PRKCB: variants seen among roughly 807,000 people sequenced by gnomAD.
The protein encoded by PRKCB is protein kinase C beta type.
A neutral mutation model predicts 81.5 loss-of-function variants in PRKCB; 13 were observed. The observed-to-expected ratio is 0.16, with a 90% CI of 0.10 to 0.25. PRKCB has a LOEUF of 0.25. PRKCB is among the 10% of genes least tolerant of loss of function. PRKCB has a pLI of 1.00. For missense variants in PRKCB, 509 were observed against 875.7 expected, an observed-to-expected ratio of 0.58 and a Z score of 5.29; for synonymous variants, 335 against 321.4, an observed-to-expected ratio of 1.04 and a Z score of -0.45.
At chr16:24,101,538 CAAAGT>C (rs1168505581) in intron 7 of PRKCB, among the ~76,000 whole-genome samples, 3 of 152,194 alleles carry the variant, frequency 2.0e-5, no homozygotes, top group Non-Finnish European at 4.4e-5. Context: ...GACCCTGTCT[CAAAGT>C]AAATAAAGAA....
intron 2 of PRKCB, among the ~76,000 whole-genome samples, chr16:23,838,264 A>C (rs754248617): frequency 6.6e-5 from 10 of 152,122 alleles, no homozygotes; most frequent in Non-Finnish European, 4.4e-5. Flanking sequence ...TCCAACTTTA[A>C]CTTTGCTGAG....
chr16:24,045,524 C>T (rs1965753184), intron 5 of PRKCB, among the ~76,000 whole-genome samples: 1 of 152,194 alleles, frequency 6.6e-6, no homozygotes, highest in Admixed American at 6.5e-5. Flanking sequence ...CAGGCCCACC[C>T]CACCTCCAAG....
chr16:23,964,672 AG>A (rs1964465152), intron 2 of PRKCB, among the ~76,000 whole-genome samples: 1 of 144,952 alleles, frequency 6.9e-6, no homozygotes, highest in Non-Finnish European at 1.5e-5. Context: ...ACACCTCATG[AG>A]GTTTTTTTTT....
Position 24,112,825 on chromosome 16 carries a change from C to G in PRKCB, c.822-148C>G, listed in dbSNP as rs1051818746. ...ATGCACACTACCCCCACCCAACATA[C>G]TGAAAAACAAACCAAAACAAACCAA... On this transcript the variant is annotated intron_variant, in intron 7 of 16. Transcript: ENST00000643927. 4.1e-5 allele frequency: 23 copies of G among 557,508 alleles called. No homozygotes were observed. In the African/African-American group the frequency reaches 4.3e-4, roughly 11 times the overall value. The allele number at this position is 557,508 out of a possible 1,614,324, so 34.5% of individuals were successfully genotyped here. A position where few individuals can be genotyped will look rare whatever the true frequency, so the allele number is the denominator to read the frequency against.
At chr16:23,864,282 AC>A (rs1205867586) in intron 2 of PRKCB, among the ~76,000 whole-genome samples, 1 of 152,116 alleles carries the variant, frequency 6.6e-6, no homozygotes, top group Non-Finnish European at 1.5e-5. Flanking sequence ...AAGTATCCTC[AC>A]CTTCGAGATT....
intron 3 of PRKCB, among the ~76,000 whole-genome samples, chr16:23,994,617 T>A (rs1024604081): frequency 2.6e-5 from 4 of 152,236 alleles, no homozygotes; most frequent in Non-Finnish European, 5.9e-5. Flanking sequence ...GACAGATGAA[T>A]CTAGAAGAAT....
intron 16 of PRKCB, among the ~76,000 whole-genome samples, chr16:24,196,280 A>C (rs549897827): frequency 6.6e-6 from 1 of 152,362 alleles, no homozygotes; most frequent in Non-Finnish European, 1.5e-5. Flanking sequence ...GCTGTGGAAC[A>C]TAAAGGAGTC....
chr16:24,079,849 G>A (rs189045780), intron 5 of PRKCB, among the ~76,000 whole-genome samples: 2 of 152,320 alleles, frequency 1.3e-5, no homozygotes, highest in East Asian at 3.9e-4. Flanking sequence ...TTACCCGTAA[G>A]CATAATGAAG....
chr16:24,206,045 A>C (rs935698762), intron 16 of PRKCB, among the ~76,000 whole-genome samples: 1 of 152,186 alleles, frequency 6.6e-6, no homozygotes, highest in African/African-American at 2.4e-5. Context: ...GAGCAAAACA[A>C]AACAGACTTA....
intron 2 of PRKCB, among the ~76,000 whole-genome samples, chr16:23,932,310 G>A (rs1963989603): frequency 6.6e-6 from 1 of 152,202 alleles, no homozygotes; most frequent in Non-Finnish European, 1.5e-5. Flanking sequence ...TTTACTGGGT[G>A]GGATAATGGA....
intron 15 of PRKCB, among the ~76,000 whole-genome samples, chr16:24,190,711 G>T (rs532094821): frequency 3.9e-5 from 6 of 152,042 alleles, no homozygotes; most frequent in African/African-American, 9.6e-5. Context: ...TAGAGACAGG[G>T]TTTCACCATG....
intron 5 of PRKCB, among the ~76,000 whole-genome samples, chr16:24,058,675 G>A (rs1342494303): frequency 2.6e-5 from 4 of 152,218 alleles, no homozygotes; most frequent in Admixed American, 2.6e-4. Flanking sequence ...ATGTTACCAT[G>A]AAGGTGCCTA....
intron 10 of PRKCB, among the ~76,000 whole-genome samples, chr16:24,165,223 T>C (rs1967324285): frequency 1.3e-5 from 2 of 152,154 alleles, no homozygotes; most frequent in South Asian, 4.1e-4. Flanking sequence ...TTATTTTTTG[T>C]AGAGCCAGGG....
At chr16:24,146,027 T>G (rs1966983483) in intron 9 of PRKCB, among the ~76,000 whole-genome samples, 1 of 152,156 alleles carries the variant, frequency 6.6e-6, no homozygotes, top group South Asian at 2.1e-4. Context: ...AGAGGGATAT[T>G]TGGATACCGA....
At chr16:24,020,969 CTTTTCT>C (rs146728476) in intron 3 of PRKCB, among the ~76,000 whole-genome samples, 9,597 of 122,928 alleles carry the variant, frequency 0.078, 651 homozygotes, top group Admixed American at 0.12. Context: ...CTGAGAGAGA[CTTTTCT>C]TTTTCTTTCT....
intron 10 of PRKCB, among the ~76,000 whole-genome samples, chr16:24,158,557 T>A (rs1322945349): frequency 1.5e-4 from 22 of 151,498 alleles, no homozygotes; most frequent in African/African-American, 5.4e-4. Flanking sequence ...TGTATATGTA[T>A]ATGTATATGT....
chr16:23,875,508 A>ACACACATATG (rs1567298330), intron 2 of PRKCB, among the ~76,000 whole-genome samples: 2 of 59,108 alleles, frequency 3.4e-5, no homozygotes, highest in South Asian at 9.6e-4. Context: ...TATATATATG[A>ACACACATATG]TGTATATCAC....
At chr16:24,165,024 C>T (rs1394671491) in intron 10 of PRKCB, among the ~76,000 whole-genome samples, 3 of 152,036 alleles carry the variant, frequency 2.0e-5, no homozygotes, top group Non-Finnish European at 4.4e-5. Flanking sequence ...TTTCTTTTAT[C>T]GCATTCTATT....
intron 16 of PRKCB, among the ~76,000 whole-genome samples, chr16:24,202,698 T>G (rs1967977592): frequency 6.6e-6 from 1 of 152,216 alleles, no homozygotes; most frequent in Non-Finnish European, 1.5e-5. Flanking sequence ...TAGCATGCTG[T>G]GTACAATTTC....
Sources: gnomAD v4.1 joint callset for allele counts (sites outside exome capture counted in the v4.1 genomes callset) on GRCh38, gnomAD v4.1.1 for gene constraint, MANE v1.5 for transcripts, NCBI Gene and HGNC (gene_info 2026-07-23, HGNC 2026-07-21) for gene names.